The following TMEM132D variants were observed in gnomAD, a reference collection of about 807,000 sequenced individuals.
The protein encoded by TMEM132D is transmembrane protein 132D.
A neutral mutation model predicts 62.3 loss-of-function variants in TMEM132D; 21 were observed. That is an observed-to-expected ratio of 0.34 (90% confidence interval 0.24 to 0.49). TMEM132D has a LOEUF of 0.49. Ranked by LOEUF, TMEM132D falls within the 20% of genes least tolerant of loss-of-function variation. The pLI, the probability that TMEM132D is intolerant of heterozygous loss-of-function variation, is 0.99. For synonymous variants in TMEM132D, 621 were observed against 575.6 expected (o/e 1.08, Z -1.13); for missense variants, 1,346 against 1,402.8 (o/e 0.96, Z 0.65).
chr12:129,084,798 G>T, intron 5 of TMEM132D, 96 bp from the exon 6 acceptor site: 1 of 1,223,176 alleles, frequency 8.2e-7, no homozygotes, highest in Non-Finnish European at 1.1e-6. Context: ...CTGGCTGGTG[G>T]AGGTGCTTCC....
intron 1 of TMEM132D, among the ~76,000 whole-genome samples, chr12:129,760,068 C>A (rs1214740750): frequency 6.6e-6 from 1 of 151,988 alleles, no homozygotes; most frequent in Non-Finnish European, 1.5e-5. Flanking sequence ...TCACACCTGG[C>A]TAATTTTTTA....
At position 129,580,700 on chromosome 12, in the gene TMEM132D, C is replaced by G. The variant is rs1468224602; in HGVS notation, c.969-49495G>C. On this transcript the variant is annotated intron_variant, in intron 2 of 8. Coordinates refer to ENST00000422113, the MANE Select transcript of TMEM132D (RefSeq NM_133448.3). ...GTCTAGTGACAGGGTGATAATCCAT[C>G]TCAAAAATAAATAAATAAATAAGTA... 2.0e-5 allele frequency among the ~76,000 whole-genome samples: 3 copies of G among 147,052 alleles called. No individual in the cohort carries two copies. In the Admixed American group the frequency reaches 2.1e-4, roughly 10 times the overall value.
At chr12:129,222,284 G>A (rs573819872) in intron 4 of TMEM132D, among the ~76,000 whole-genome samples, 69 of 152,120 alleles carry the variant, frequency 4.5e-4, no homozygotes, top group African/African-American at 1.4e-3. Context: ...CCTTTTTAAC[G>A]TAAATTTCAA....
At chr12:129,496,250 G>A (rs192958765) in intron 3 of TMEM132D, among the ~76,000 whole-genome samples, 2 of 152,224 alleles carry the variant, frequency 1.3e-5, no homozygotes, top group African/African-American at 2.4e-5. Flanking sequence ...TTCATAAGAC[G>A]GACGGCAGGG....
At chr12:129,775,609 G>A (rs1262756369) in intron 1 of TMEM132D, among the ~76,000 whole-genome samples, 2 of 152,264 alleles carry the variant, frequency 1.3e-5, no homozygotes, top group South Asian at 4.1e-4. Flanking sequence ...CCTGCAGAAG[G>A]GATGCGAGAA....
chr12:129,484,188 T>C (rs149458995), intron 3 of TMEM132D, among the ~76,000 whole-genome samples: 293 of 152,268 alleles, frequency 1.9e-3, no homozygotes, highest in Admixed American at 3.7e-3. Context: ...CAGGGTGGTC[T>C]TGAACTCCTG....
chr12:129,771,408 G>C (rs1870748262), intron 1 of TMEM132D, among the ~76,000 whole-genome samples: 1 of 152,194 alleles, frequency 6.6e-6, no homozygotes, highest in African/African-American at 2.4e-5. Flanking sequence ...TGCTTCACCT[G>C]TGCTGGGGGC....
intron 1 of TMEM132D, among the ~76,000 whole-genome samples, chr12:129,777,220 G>A (rs1044903870): frequency 1.3e-5 from 2 of 152,198 alleles, no homozygotes; most frequent in African/African-American, 2.4e-5. Flanking sequence ...GGTGAAAAGC[G>A]AGTCAGGCAG....
At chr12:129,895,961 CT>C (rs1875104166) in intron 1 of TMEM132D, among the ~76,000 whole-genome samples, 2 of 99,806 alleles carry the variant, frequency 2.0e-5, no homozygotes, top group African/African-American at 3.5e-5. Context: ...TTCTCTGTCT[CT>C]CTTTTTTTTT....
At chr12:129,719,505 T>A (rs967632748) in intron 1 of TMEM132D, among the ~76,000 whole-genome samples, 1 of 152,230 alleles carries the variant, frequency 6.6e-6, no homozygotes, top group Non-Finnish European at 1.5e-5. Context: ...TGAATTCATA[T>A]GAGTGACAGA....
At chr12:129,509,237 G>T (rs948675040) in intron 3 of TMEM132D, among the ~76,000 whole-genome samples, 2 of 151,998 alleles carry the variant, frequency 1.3e-5, no homozygotes, top group Admixed American at 6.6e-5. Flanking sequence ...GTCAATGAGG[G>T]CTTAGTGAAA....
At chr12:129,553,267 C>T (rs1046251795) in intron 2 of TMEM132D, among the ~76,000 whole-genome samples, 10 of 152,142 alleles carry the variant, frequency 6.6e-5, no homozygotes, top group African/African-American at 1.7e-4. Context: ...TCCCTGGCTG[C>T]GTGAGTCCAT....
chr12:129,128,070 G>A (rs973400742), intron 5 of TMEM132D, among the ~76,000 whole-genome samples: 21 of 152,222 alleles, frequency 1.4e-4, no homozygotes, highest in African/African-American at 4.8e-4. Flanking sequence ...TGGACAAACC[G>A]GGACAGTTGG....
chr12:129,405,548 A>G (rs114634297), intron 3 of TMEM132D, among the ~76,000 whole-genome samples: 4,204 of 152,152 alleles, frequency 0.028, 140 homozygotes, highest in African/African-American at 0.084. Flanking sequence ...GTGGGTCGGG[A>G]GGTCCTGAGT....
chr12:129,427,797 T>C (rs113851404), intron 3 of TMEM132D, among the ~76,000 whole-genome samples: 4 of 152,146 alleles, frequency 2.6e-5, no homozygotes, highest in African/African-American at 7.2e-5. Flanking sequence ...AACCAGGTCT[T>C]AGGGTACCGC....
At chr12:129,730,731 C>T (rs1227107815) in intron 1 of TMEM132D, among the ~76,000 whole-genome samples, 1 of 151,890 alleles carries the variant, frequency 6.6e-6, no homozygotes, top group African/African-American at 2.4e-5. Flanking sequence ...GCCAGCACGG[C>T]TGGGATAAAA....
At chr12:129,198,380 C>T (rs1358764188) in intron 5 of TMEM132D, among the ~76,000 whole-genome samples, 1 of 152,138 alleles carries the variant, frequency 6.6e-6, no homozygotes, top group Non-Finnish European at 1.5e-5. Flanking sequence ...CACTGCAGCA[C>T]TACTTACAAT....
chr12:129,106,017 C>T (rs1350931890), intron 5 of TMEM132D, among the ~76,000 whole-genome samples: 1 of 151,608 alleles, frequency 6.6e-6, no homozygotes, highest in Non-Finnish European at 1.5e-5. Flanking sequence ...GGAACCAACC[C>T]GAATGTCCAA....
At chr12:129,703,420 C>T (rs1231890962) in intron 1 of TMEM132D, among the ~76,000 whole-genome samples, 1 of 150,906 alleles carries the variant, frequency 6.6e-6, no homozygotes, top group Non-Finnish European at 1.5e-5. Context: ...ATGTTTATTG[C>T]TTAAAATTGC....
Sources: allele counts gnomAD v4.1 joint callset (sites outside exome capture counted in the v4.1 genomes callset), GRCh38; gene constraint gnomAD v4.1.1; transcripts MANE v1.5; gene names NCBI Gene and HGNC (gene_info 2026-07-23, HGNC 2026-07-21).